NR2F1-AS1: variants seen among roughly 807,000 people sequenced by gnomAD.
The protein encoded by NR2F1-AS1 is NR2F1 antisense RNA 1.
intron 4 of NR2F1-AS1, among the ~76,000 whole-genome samples, chr5:93,427,918 AAGAG>A (rs995520340): frequency 1.4e-4 from 21 of 150,932 alleles, no homozygotes; most frequent in South Asian, 1.3e-3. Context: ...AAGAGAGAGA[AAGAG>A]AGAGAGAGAG....
chr5:93,581,836 C>CCT (rs1180859681), upstream of NR2F1-AS1, among the ~76,000 whole-genome samples: 4 of 50,834 alleles, frequency 7.9e-5, no homozygotes, highest in African/African-American at 2.5e-4. Flanking sequence ...CTCTCTCTCT[C>CCT]CTCTCTCTCT....
intron 4 of NR2F1-AS1, among the ~76,000 whole-genome samples, chr5:93,453,818 G>T (rs1276837596): frequency 6.6e-6 from 1 of 152,070 alleles, no homozygotes; most frequent in East Asian, 1.9e-4. Flanking sequence ...AATACTGAGA[G>T]AAATTGATGC....
At chr5:93,449,218 A>G (rs1749779248) in intron 4 of NR2F1-AS1, among the ~76,000 whole-genome samples, 1 of 152,180 alleles carries the variant, frequency 6.6e-6, no homozygotes, top group Admixed American at 6.5e-5. Flanking sequence ...AAATTTACCC[A>G]GGGCTCTTAA....
chr5:93,553,263 T>C (rs1356587995), intron 4 of NR2F1-AS1, among the ~76,000 whole-genome samples: 1 of 151,720 alleles, frequency 6.6e-6, no homozygotes, highest in African/African-American at 2.4e-5. Flanking sequence ...CCAAGTGAAG[T>C]GTTTTTAGTA....
chr5:93,430,897 G>A (rs1749298563), intron 4 of NR2F1-AS1, among the ~76,000 whole-genome samples: 1 of 118,288 alleles, frequency 8.5e-6, no homozygotes, highest in Non-Finnish European at 1.7e-5. Flanking sequence ...TCATCATGGT[G>A]AGTGTCCAGA....
intron 1 of NR2F1-AS1, among the ~76,000 whole-genome samples, chr5:93,572,334 G>A (rs1752789705): frequency 6.6e-6 from 1 of 152,342 alleles, no homozygotes; most frequent in African/African-American, 2.4e-5. Context: ...GGTCTCTCTA[G>A]TCAAGGAGGG....
chr5:93,434,164 C>CT (rs374368529), intron 4 of NR2F1-AS1, among the ~76,000 whole-genome samples: 146 of 152,082 alleles, frequency 9.6e-4, no homozygotes, highest in African/African-American at 3.4e-3. Flanking sequence ...TGGCTTTTGC[C>CT]TTTTTTTCAT....
chr5:93,547,850 G>C (rs1468464729), intron 4 of NR2F1-AS1, among the ~76,000 whole-genome samples: 3 of 152,172 alleles, frequency 2.0e-5, no homozygotes, highest in Admixed American at 2.0e-4. Context: ...TTGGTGATAT[G>C]ATGATATTGG....
At chr5:93,547,111 T>G (rs1752105122) in intron 4 of NR2F1-AS1, among the ~76,000 whole-genome samples, 2 of 152,128 alleles carry the variant, frequency 1.3e-5, no homozygotes, top group South Asian at 4.1e-4. Flanking sequence ...TGAGCCAATT[T>G]CTTAAAATAA....
intron 4 of NR2F1-AS1, among the ~76,000 whole-genome samples, chr5:93,506,876 C>T (rs1751196419): frequency 1.3e-5 from 2 of 152,052 alleles, no homozygotes; most frequent in African/African-American, 4.8e-5. Context: ...TAGGCAGGCT[C>T]ATTTACTAAT....
At chr5:93,425,783 A>G (rs1026034156) in intron 4 of NR2F1-AS1, among the ~76,000 whole-genome samples, 6 of 152,060 alleles carry the variant, frequency 3.9e-5, no homozygotes, top group African/African-American at 1.5e-4. Flanking sequence ...TGCCTCTATT[A>G]TATCATTCAG....
intron 1 of NR2F1-AS1, among the ~76,000 whole-genome samples, chr5:93,574,496 C>T (rs1263794791): frequency 6.6e-6 from 1 of 152,076 alleles, no homozygotes; most frequent in African/African-American, 2.4e-5. Flanking sequence ...AAGGAATAAA[C>T]ATAGAGTCAG....
chr5:93,467,879 C>T (rs1354728589), intron 4 of NR2F1-AS1, among the ~76,000 whole-genome samples: 4 of 152,196 alleles, frequency 2.6e-5, no homozygotes, highest in African/African-American at 9.7e-5. Context: ...TATTGTTCAA[C>T]TCCCACCTAT....
intron 4 of NR2F1-AS1, among the ~76,000 whole-genome samples, chr5:93,491,693 T>C (rs1179943315): frequency 6.6e-6 from 1 of 152,166 alleles, no homozygotes; most frequent in Non-Finnish European, 1.5e-5. Context: ...ATGTTCTCTC[T>C]CTTCTCAAGC....
At chr5:93,429,239 A>T (rs1221781650) in intron 4 of NR2F1-AS1, among the ~76,000 whole-genome samples, 1 of 152,120 alleles carries the variant, frequency 6.6e-6, no homozygotes, top group Non-Finnish European at 1.5e-5. Context: ...GGTCAAACAG[A>T]TACAGCAATT....
intron 4 of NR2F1-AS1, among the ~76,000 whole-genome samples, chr5:93,445,001 A>G (rs1749664029): frequency 6.6e-6 from 1 of 152,224 alleles, no homozygotes; most frequent in African/African-American, 2.4e-5. Context: ...TTTGAAACCA[A>G]TAAGAACAAA....
intron 4 of NR2F1-AS1, among the ~76,000 whole-genome samples, chr5:93,490,469 G>C (rs951257545): frequency 2.6e-5 from 4 of 151,426 alleles, no homozygotes; most frequent in African/African-American, 9.7e-5. Context: ...AGTGGTGATA[G>C]GGGTAGTGGC....
intron 1 of NR2F1-AS1, among the ~76,000 whole-genome samples, chr5:93,564,338 T>C (rs1375967718): frequency 6.6e-6 from 1 of 152,042 alleles, no homozygotes. Context: ...TACAATAAAA[T>C]ATATAACTCC....
chr5:93,516,767 A>G (rs1751408656), intron 4 of NR2F1-AS1, among the ~76,000 whole-genome samples: 1 of 151,978 alleles, frequency 6.6e-6, no homozygotes, highest in Non-Finnish European at 1.5e-5. Flanking sequence ...CATAGTGGCA[A>G]CACCAAATAT....
Sources: allele counts gnomAD v4.1 joint callset (sites outside exome capture counted in the v4.1 genomes callset), GRCh38; gene constraint gnomAD v4.1.1; transcripts MANE v1.5; gene names NCBI Gene and HGNC (gene_info 2026-07-23, HGNC 2026-07-21).